Variants in CAST observed in about 807,000 individuals in gnomAD.
The protein encoded by CAST is calpastatin, also known as MIR583 host.
In CAST, 76 loss-of-function variants were observed where a neutral mutation model predicts 119.6. That is an observed-to-expected ratio of 0.64 (90% CI 0.53 to 0.77). The LOEUF (loss-of-function observed/expected upper bound fraction) is 0.77, where lower values mean the gene tolerates loss of function less well. CAST is among the 30% of genes least tolerant of loss of function. CAST has a pLI of 0.00. For missense variants in CAST, 953 were observed against 946.5 expected, an observed-to-expected ratio of 1.01 and a Z score of -0.09; for synonymous variants, 319 against 331.6, an observed-to-expected ratio of 0.96 and a Z score of 0.41.
intron 1 of CAST, among the ~76,000 whole-genome samples, chr5:96,548,291 T>C (rs1383472488): frequency 1.3e-5 from 2 of 152,202 alleles, no homozygotes; most frequent in Non-Finnish European, 2.9e-5. Flanking sequence ...TTGACTTAGA[T>C]CTGAAAACTG....
the CAST span, chr5:96,050,268 G>C: frequency 6.6e-6 from 1 of 152,332 alleles, no homozygotes; most frequent in Non-Finnish European, 1.5e-5. Flanking sequence ...GAGGGGAAAA[G>C]AGAGACATAG....
At chr5:96,532,097 C>T (rs779353106) in intron 1 of CAST, among the ~76,000 whole-genome samples, 11 of 151,786 alleles carry the variant, frequency 7.2e-5, no homozygotes, top group Non-Finnish European at 8.8e-5. Flanking sequence ...CTCAAAATAA[C>T]GAAGTTAGAC....
the CAST span, among the ~76,000 whole-genome samples, chr5:96,327,160 A>G: frequency 6.0e-4 from 91 of 152,340 alleles, 1 homozygote; most frequent in African/African-American, 2.2e-3. Flanking sequence ...CACATTTGTC[A>G]TCTGTAAAGT....
At chr5:96,207,022 C>A in the CAST span, among the ~76,000 whole-genome samples, 36,048 of 151,870 alleles carry the variant, frequency 0.24, 5,042 homozygotes, top group East Asian at 0.32. Flanking sequence ...TTTCCTCTCC[C>A]TGGTGAGCTT....
chr5:96,450,619 A>G, the CAST span, among the ~76,000 whole-genome samples: 1 of 152,238 alleles, frequency 6.6e-6, no homozygotes, highest in African/African-American at 2.4e-5. Flanking sequence ...ATATTTAATT[A>G]AGGGATAGGC....
At chr5:96,011,577 C>T in the CAST span, among the ~76,000 whole-genome samples, 1 of 152,128 alleles carries the variant, frequency 6.6e-6, no homozygotes, top group African/African-American at 2.4e-5. Flanking sequence ...ATGTATTCTC[C>T]TATCCTTGTG....
intron 1 of CAST, among the ~76,000 whole-genome samples, chr5:96,559,253 A>G (rs1386803547): frequency 6.6e-6 from 1 of 152,224 alleles, no homozygotes; most frequent in East Asian, 1.9e-4. Flanking sequence ...CCAATATCAT[A>G]CTGAATGGGC....
chr5:96,615,519 A>G (rs1747435104), intron 1 of CAST, among the ~76,000 whole-genome samples: 1 of 152,180 alleles, frequency 6.6e-6, no homozygotes, highest in Admixed American at 6.5e-5. Flanking sequence ...GGAGAATGAA[A>G]CAGACAAGGA....
the CAST span, among the ~76,000 whole-genome samples, chr5:96,069,255 A>G: frequency 6.6e-6 from 1 of 151,982 alleles, no homozygotes; most frequent in Non-Finnish European, 1.5e-5. Flanking sequence ...TGTTTATATT[A>G]CACATATATA....
intron 1 of CAST, among the ~76,000 whole-genome samples, chr5:96,602,829 T>C (rs1377857185): frequency 6.6e-6 from 1 of 152,178 alleles, no homozygotes; most frequent in East Asian, 1.9e-4. Flanking sequence ...AAGGAAAGCC[T>C]TTCTGAGAAA....
the CAST span, among the ~76,000 whole-genome samples, chr5:96,165,874 A>G: frequency 2.8e-3 from 434 of 152,360 alleles, 1 homozygote; most frequent in Non-Finnish European, 3.8e-3. Flanking sequence ...AATATTTACT[A>G]AGGTTTCTTC....
At chr5:96,621,510 C>A (rs3853207) in intron 1 of CAST, among the ~76,000 whole-genome samples, 1 of 152,124 alleles carries the variant, frequency 6.6e-6, no homozygotes, top group African/African-American at 2.4e-5. Context: ...TGTCTCATAT[C>A]GCAGCAGGAG....
intron 1 of CAST, among the ~76,000 whole-genome samples, chr5:96,536,047 T>G (rs867407693): frequency 4.0e-5 from 6 of 149,298 alleles, no homozygotes; most frequent in Middle Eastern, 6.8e-3. Context: ...TTTTTTTTTT[T>G]TTTTTTTTTA....
the CAST span, among the ~76,000 whole-genome samples, chr5:96,418,786 G>A: frequency 6.6e-6 from 1 of 152,114 alleles, no homozygotes; most frequent in Non-Finnish European, 1.5e-5. Context: ...CACCTTTTTG[G>A]TTGATAGTCA....
chr5:96,359,598 G>C, the CAST span, among the ~76,000 whole-genome samples: 2 of 152,156 alleles, frequency 1.3e-5, no homozygotes, highest in Non-Finnish European at 2.9e-5. Context: ...GTGAAACTTA[G>C]TATGACTGGA....
chr5:96,146,967 G>A, the CAST span, among the ~76,000 whole-genome samples: 1 of 152,210 alleles, frequency 6.6e-6, no homozygotes, highest in African/African-American at 2.4e-5. Flanking sequence ...GTCAGAACTA[G>A]TCATATGACC....
the CAST span, among the ~76,000 whole-genome samples, chr5:96,178,209 T>G: frequency 2.6e-5 from 4 of 152,166 alleles, no homozygotes; most frequent in Non-Finnish European, 5.9e-5. Flanking sequence ...ATTATAAAAC[T>G]CACCTAAATA....
chr5:96,552,329 A>C (rs1030922605), intron 1 of CAST, among the ~76,000 whole-genome samples: 6 of 152,206 alleles, frequency 3.9e-5, no homozygotes, highest in Admixed American at 3.9e-4. Context: ...CTGGGTAAAT[A>C]ATGAAATGAA....
chr5:96,331,683 A>C, the CAST span, among the ~76,000 whole-genome samples: 1 of 152,224 alleles, frequency 6.6e-6, no homozygotes, highest in Non-Finnish European at 1.5e-5. Flanking sequence ...ATCAAAGGTC[A>C]GAGTTTAAGG....
Sources: allele counts gnomAD v4.1 joint callset (sites outside exome capture counted in the v4.1 genomes callset), GRCh38; gene constraint gnomAD v4.1.1; transcripts MANE v1.5; gene names NCBI Gene and HGNC (gene_info 2026-07-23, HGNC 2026-07-21).